Variants in MTMR7 observed in about 807,000 individuals in gnomAD.
The protein encoded by MTMR7 is myotubularin related protein 7.
A neutral mutation model predicts 81.2 loss-of-function variants in MTMR7; 76 were observed. That is an observed-to-expected ratio of 0.94 (90% CI 0.78 to 1.13). MTMR7 has a LOEUF of 1.13. MTMR7 is among the 50% of genes most tolerant of loss of function. The pLI is 0.00. For missense variants in MTMR7, 1,044 were observed against 820.0 expected (o/e 1.27, Z -3.34); for synonymous variants, 372 against 289.8 (o/e 1.28, Z -2.88).
rs186085977 is a variant in MTMR7 at position 17,321,198 on chromosome 8, A to G, written c.866-7797T>C. Reference sequence around the variant, plus strand: ...TGGAAATGACTGCAAGTTTAAAAATAAAGACACTGGGCTTGCCAGCTAACC... The same window carrying G: ...TGGAAATGACTGCAAGTTTAAAAATGAAGACACTGGGCTTGCCAGCTAACC... On this transcript the variant is annotated intron_variant, in intron 7 of 13. Transcript: ENST00000180173. 1.9e-4 allele frequency among the ~76,000 whole-genome samples: 29 copies of G among 152,356 alleles called. No homozygotes were observed. In the East Asian group the frequency reaches 4.8e-3, roughly 25 times the overall value.
At chr8:17,332,846 T>C (rs11988469) in intron 6 of MTMR7, among the ~76,000 whole-genome samples, 4,056 of 152,242 alleles carry the variant, frequency 0.027, 186 homozygotes, top group African/African-American at 0.091. Context: ...TTTTGCGTGT[T>C]TATCAAGCAG....
chr8:17,358,880 C>A (rs1165498605), intron 4 of MTMR7, among the ~76,000 whole-genome samples: 1 of 151,994 alleles, frequency 6.6e-6, no homozygotes, highest in Non-Finnish European at 1.5e-5. Flanking sequence ...AAAAAAAAGT[C>A]TAAATAATCT....
chr8:17,384,036 C>A (rs1820848096), intron 1 of MTMR7, among the ~76,000 whole-genome samples: 1 of 152,040 alleles, frequency 6.6e-6, no homozygotes, highest in South Asian at 2.1e-4. Flanking sequence ...GTTCAGAGTT[C>A]CTGGACAAAT....
At chr8:17,356,640 G>C (rs1375215731) in intron 4 of MTMR7, among the ~76,000 whole-genome samples, 1 of 152,100 alleles carries the variant, frequency 6.6e-6, no homozygotes, top group African/African-American at 2.4e-5. Flanking sequence ...CTTGAACCCA[G>C]GAGGCAGAGG....
intron 13 of MTMR7, 160 bp downstream of exon 13, chr8:17,301,994 G>T: frequency 1.1e-6 from 1 of 898,092 alleles, no homozygotes; most frequent in Non-Finnish European, 1.6e-6. Flanking sequence ...TTGGGCTTCG[G>T]TTATCTGAGT....
At position 17,363,860 on chromosome 8, in the gene MTMR7, C is replaced by T. The variant is rs562820552; in HGVS notation, c.311-2586G>A. On this transcript the variant is annotated intron_variant, in intron 3 of 13. Transcript: ENST00000180173. ...CTGTTCTTTTCGTTCTCTACTTTTA[C>T]CAAATATTTAGCAGAATGTTTAGCA... Among the ~76,000 whole-genome samples, 4 of 150,134 alleles carry T rather than the reference C, an allele frequency of 2.7e-5. No individual in the cohort carries two copies. In the East Asian group the frequency reaches 5.9e-4, roughly 22 times the overall value.
intron 6 of MTMR7, among the ~76,000 whole-genome samples, chr8:17,336,826 G>T (rs1205332770): frequency 1.3e-5 from 2 of 152,202 alleles, no homozygotes; most frequent in African/African-American, 4.8e-5. Context: ...CTCAGAGGTG[G>T]TAACCCCACA....
At chr8:17,324,945 AT>A (rs1380978497) in intron 7 of MTMR7, among the ~76,000 whole-genome samples, 3 of 152,140 alleles carry the variant, frequency 2.0e-5, no homozygotes, top group African/African-American at 7.2e-5. Flanking sequence ...ATCTGGTAGA[AT>A]TTCACAGCAT....
chr8:17,320,499 G>A (rs1818327611), intron 7 of MTMR7, among the ~76,000 whole-genome samples: 1 of 152,126 alleles, frequency 6.6e-6, no homozygotes, highest in East Asian at 1.9e-4. Context: ...CTGAGAGGCA[G>A]GTCATGTAAT....
chr8:17,338,148 C>T (rs966790718), intron 6 of MTMR7, among the ~76,000 whole-genome samples: 1 of 152,168 alleles, frequency 6.6e-6, no homozygotes, highest in Admixed American at 6.5e-5. Flanking sequence ...GTGAAGTGTG[C>T]GTGCATGGAT....
At chr8:17,328,704 G>A (rs1197763191) in intron 7 of MTMR7, among the ~76,000 whole-genome samples, 1 of 151,948 alleles carries the variant, frequency 6.6e-6, no homozygotes, top group African/African-American at 2.4e-5. Context: ...ACATACCCCA[G>A]AACTTAAAAA....
chr8:17,401,777 C>T (rs2157641), intron 1 of MTMR7, among the ~76,000 whole-genome samples: 82,079 of 151,802 alleles, frequency 0.54, 22,628 homozygotes, highest in East Asian at 0.75. Flanking sequence ...TTGGAAAGAG[C>T]ACAAGAGGAG....
intron 7 of MTMR7, among the ~76,000 whole-genome samples, chr8:17,316,688 A>G (rs1323523506): frequency 6.6e-6 from 1 of 152,244 alleles, no homozygotes; most frequent in African/African-American, 2.4e-5. Flanking sequence ...AATAATGGTA[A>G]TAGAAAACCA....
chr8:17,394,071 T>A (rs1215383784), intron 1 of MTMR7, among the ~76,000 whole-genome samples: 1 of 152,194 alleles, frequency 6.6e-6, no homozygotes, highest in Admixed American at 6.5e-5. Context: ...GATATGGAGA[T>A]ACTGGAACCC....
rs930569511 is a variant in MTMR7, at chr8:17,298,582, G to A, written c.*1280C>T. On this transcript the variant is annotated 3_prime_UTR_variant, in exon 14 of 14. Coordinates refer to ENST00000180173, the MANE Select transcript of MTMR7 (RefSeq NM_004686.5). The stretch of plus-strand genomic sequence containing the variant: ...GATATTCAAAATATTGATGTAAATT[G>A]TAAAGTTTAAATTAATCCTTTCACA... 2.6e-5 allele frequency: 4 copies of A among 152,172 alleles called. No homozygotes were observed. Among genetic ancestry groups the A allele is most frequent in the Admixed American group, 6.6e-5 (1 of 15,244 alleles). 9.4% of individuals were successfully genotyped at this position (152,172 alleles called of 1,614,324 possible).
intron 1 of MTMR7, among the ~76,000 whole-genome samples, chr8:17,383,274 A>C (rs1237888626): frequency 6.6e-6 from 1 of 152,198 alleles, no homozygotes; most frequent in Non-Finnish European, 1.5e-5. Context: ...AGGCAGCGTA[A>C]CTGTGGTGCG....
At chr8:17,355,024 G>A (rs1465303551) in intron 4 of MTMR7, among the ~76,000 whole-genome samples, 4 of 152,166 alleles carry the variant, frequency 2.6e-5, no homozygotes, top group African/African-American at 9.7e-5. Context: ...AGTAACTCAT[G>A]TTTTGCAGGC....
At chr8:17,390,837 A>G (rs1821084511) in intron 1 of MTMR7, among the ~76,000 whole-genome samples, 1 of 152,176 alleles carries the variant, frequency 6.6e-6, no homozygotes, top group Non-Finnish European at 1.5e-5. Flanking sequence ...CCAGAGTAGT[A>G]AGGGGAAACC....
chr8:17,398,894 A>G (rs191263198), intron 1 of MTMR7, among the ~76,000 whole-genome samples: 171 of 152,334 alleles, frequency 1.1e-3, no homozygotes, highest in African/African-American at 3.7e-3. Context: ...AATCAGAGCT[A>G]GGGCATCATC....
Sources: gnomAD v4.1 joint callset for allele counts (sites outside exome capture counted in the v4.1 genomes callset) on GRCh38, gnomAD v4.1.1 for gene constraint, MANE v1.5 for transcripts, NCBI Gene and HGNC (gene_info 2026-07-23, HGNC 2026-07-21) for gene names.